Variants in TTC23L observed in about 807,000 individuals in gnomAD.
The protein encoded by TTC23L is tetratricopeptide repeat domain 23 like.
Under a neutral mutation model 48.1 loss-of-function variants are expected in TTC23L, and 42 were observed. The observed-to-expected ratio is 0.87, with a 90% CI of 0.68 to 1.13. TTC23L has a LOEUF of 1.13. Ranked by LOEUF, TTC23L falls within the 50% of genes most tolerant of loss-of-function variation. The pLI, the probability that TTC23L is intolerant of heterozygous loss-of-function variation, is 0.00. For synonymous variants in TTC23L, 159 were observed against 157.2 expected (o/e 1.01, Z -0.09); for missense variants, 391 against 421.0 (o/e 0.93, Z 0.62).
chr5:34,839,410 G>A (rs896915699), intron 1 of TTC23L, 151 bp downstream of exon 1: 1 of 154,448 alleles, frequency 6.5e-6, no homozygotes, highest in African/African-American at 2.4e-5. Flanking sequence ...CCGCGGCAGA[G>A]AGGCTCTCAG....
At chr5:34,915,649 A>G in the TTC23L span, 2 of 1,431,130 alleles carry the variant, frequency 1.4e-6, no homozygotes, top group Non-Finnish European at 1.8e-6. Flanking sequence ...CGCGGAGCTG[A>G]GCGCTTAGAG....
At chr5:34,924,725 C>T in the TTC23L span, 17 of 592,448 alleles carry the variant, frequency 2.9e-5, no homozygotes, top group African/African-American at 2.7e-4. Flanking sequence ...CCAAGTTTCA[C>T]CCCCACCTTG....
chr5:34,878,982 G>A (rs1762041167), intron 8 of TTC23L, among the ~76,000 whole-genome samples: 2 of 152,098 alleles, frequency 1.3e-5, no homozygotes, highest in African/African-American at 4.8e-5. Context: ...AGAAAATGTG[G>A]TACATATACA....
At chr5:34,892,255 C>A (rs562029420) in intron 9 of TTC23L, among the ~76,000 whole-genome samples, 1 of 152,302 alleles carries the variant, frequency 6.6e-6, no homozygotes, top group South Asian at 2.1e-4. Context: ...ACTGGACTTT[C>A]ATTGCTAGGA....
the TTC23L span, chr5:34,919,923 T>G: frequency 1.3e-6 from 1 of 746,788 alleles, no homozygotes; most frequent in East Asian, 2.8e-5. Flanking sequence ...ATTTTTAAAA[T>G]GTTAACAGTG....
the TTC23L span, chr5:34,920,832 T>G: frequency 2.8e-5 from 4 of 143,074 alleles, no homozygotes; most frequent in Admixed American, 2.8e-4. Context: ...AAAAGTTTTG[T>G]TTTTTTTTTT....
Position 34,865,256 on chromosome 5 carries a change from C to G in TTC23L, c.662+694C>G, listed in dbSNP as rs1462634862. On this transcript the variant is annotated intron_variant, in intron 6 of 10. Coordinates refer to ENST00000505624, the Ensembl canonical transcript of TTC23L. ...TTACATCCTTGAAAGCAATCTGTTTCCAAAACTGTAAGCACTTGGCACAGT... is the reference window on the plus strand; with the variant it reads ...TTACATCCTTGAAAGCAATCTGTTTGCAAAACTGTAAGCACTTGGCACAGT... Among the ~76,000 whole-genome samples the G allele has an allele frequency of 2.6e-5, 4 of 152,276 alleles. No homozygotes were observed. In the East Asian group the frequency reaches 5.8e-4, roughly 22 times the overall value.
chr5:34,900,255 GA>G (rs1245138208), downstream of TTC23L, among the ~76,000 whole-genome samples: 1 of 152,122 alleles, frequency 6.6e-6, no homozygotes, highest in Non-Finnish European at 1.5e-5. Flanking sequence ...CTTAACAGTT[GA>G]TTAACACATA....
chr5:34,923,290 A>G, the TTC23L span: 1 of 1,354,824 alleles, frequency 7.4e-7, no homozygotes, highest in Non-Finnish European at 1.0e-6. Flanking sequence ...TTATTTATTT[A>G]TGTTTTGAGA....
the TTC23L span, chr5:34,913,394 T>C: frequency 3.4e-5 from 27 of 790,758 alleles, 1 homozygote; most frequent in Middle Eastern, 7.7e-4. Context: ...CCAATGTTTA[T>C]GTTCCAAATA....
At chr5:34,847,975 C>T (rs1017830053) in intron 3 of TTC23L, among the ~76,000 whole-genome samples, 15 of 152,250 alleles carry the variant, frequency 9.9e-5, no homozygotes, top group African/African-American at 3.1e-4. Flanking sequence ...ATTCTTCAAA[C>T]GGGTTACACT....
intron 9 of TTC23L, among the ~76,000 whole-genome samples, chr5:34,894,002 A>G (rs1763040590): frequency 6.6e-6 from 1 of 152,212 alleles, no homozygotes; most frequent in Non-Finnish European, 1.5e-5. Flanking sequence ...AATACAGGCA[A>G]GAAAACCCAG....
intron 9 of TTC23L, among the ~76,000 whole-genome samples, chr5:34,892,238 T>C (rs576800915): frequency 2.6e-5 from 4 of 152,234 alleles, no homozygotes; most frequent in African/African-American, 9.6e-5. Context: ...ACTCGTTGAC[T>C]ACACTCACTG....
chr5:34,885,714 G>A (rs573754722), intron 9 of TTC23L, among the ~76,000 whole-genome samples: 44 of 150,632 alleles, frequency 2.9e-4, no homozygotes, highest in Non-Finnish European at 5.9e-4. Context: ...ACCCCTGCAC[G>A]CCAGCCTGAG....
the TTC23L span, chr5:34,920,867 G>GT: frequency 2.0e-5 from 3 of 150,258 alleles, no homozygotes; most frequent in Non-Finnish European, 4.4e-5. Flanking sequence ...TTGTTTATTT[G>GT]TTTAACTGGT....
At chr5:34,910,949 CT>C in the TTC23L span, among the ~76,000 whole-genome samples, 1 of 152,168 alleles carries the variant, frequency 6.6e-6, no homozygotes, top group Non-Finnish European at 1.5e-5. Flanking sequence ...GAAAACTGCC[CT>C]CCCTTGGGAA....
chr5:34,857,393 T>C (rs928498765), intron 4 of TTC23L, among the ~76,000 whole-genome samples: 4 of 152,136 alleles, frequency 2.6e-5, no homozygotes, highest in African/African-American at 9.7e-5. Flanking sequence ...TGTTGCAAAA[T>C]CCAGAAAAAG....
At chr5:34,869,204 T>A in intron 8 of TTC23L, 191 bp downstream of exon 8, 1 of 513,256 alleles carries the variant, frequency 1.9e-6, no homozygotes. Context: ...CGTTGGAATG[T>A]CAGTAACAAA....
At chr5:34,876,108 G>C (rs1234993275) in intron 8 of TTC23L, among the ~76,000 whole-genome samples, 3 of 152,036 alleles carry the variant, frequency 2.0e-5, no homozygotes, top group Non-Finnish European at 4.4e-5. Context: ...TGAAAACAAT[G>C]TAAAAATTTG....
Sources: allele counts gnomAD v4.1 joint callset (sites outside exome capture counted in the v4.1 genomes callset), GRCh38; gene constraint gnomAD v4.1.1; transcripts MANE v1.5; gene names NCBI Gene and HGNC (gene_info 2026-07-23, HGNC 2026-07-21).